The following ZC3H12B variants were observed in gnomAD, a reference collection of about 807,000 sequenced individuals.
ZC3H12B encodes the protein zinc finger CCCH-type containing 12B.
In ZC3H12B, 7 loss-of-function variants were observed where a neutral mutation model predicts 43.9. The observed-to-expected ratio is 0.16, with a 90% CI of 0.09 to 0.30. The LOEUF (loss-of-function observed/expected upper bound fraction) is 0.30. Among genes scored for constraint, ZC3H12B ranks in the 10% least tolerant of loss-of-function variants. The pLI, the probability that ZC3H12B is intolerant of heterozygous loss-of-function variation, is 1.00. For missense variants in ZC3H12B, 475 were observed against 670.2 expected (o/e 0.71, Z 3.22); for synonymous variants, 222 against 241.7 (o/e 0.92, Z 0.76).
At chrX:65,386,143 G>A (rs1025428141) in intron 2 of ZC3H12B, among the ~76,000 whole-genome samples, 1 of 111,859 alleles carries the variant, frequency 8.9e-6, no homozygotes, top group African/African-American at 3.3e-5. Context: ...TTGGTAATCA[G>A]GATGTTGCTG....
chrX:65,340,899 A>G, the ZC3H12B span, among the ~76,000 whole-genome samples: 297 of 112,314 alleles, frequency 2.6e-3, no homozygotes, highest in Non-Finnish European at 4.8e-3. Flanking sequence ...TATGAATAGG[A>G]ACAAAGATCA....
intron 2 of ZC3H12B, among the ~76,000 whole-genome samples, chrX:65,387,645 T>C (rs5918564): frequency 9.0e-6 from 1 of 111,185 alleles, no homozygotes; most frequent in Non-Finnish European, 1.9e-5. Context: ...TTTACATTTA[T>C]GGTTAATATT....
At chrX:65,086,918 G>A in the ZC3H12B span, among the ~76,000 whole-genome samples, 1 of 110,929 alleles carries the variant, frequency 9.0e-6, no homozygotes, top group Non-Finnish European at 1.9e-5. Context: ...ACCGAATGCT[G>A]GGCTGGCCTC....
chrX:65,378,911 A>T (rs766107958), intron 2 of ZC3H12B, among the ~76,000 whole-genome samples: 1 of 112,681 alleles, frequency 8.9e-6, no homozygotes, highest in South Asian at 3.7e-4. Context: ...GGCATAAAAA[A>T]TGGCGCACCA....
At chrX:65,198,990 C>T in the ZC3H12B span, among the ~76,000 whole-genome samples, 1 of 110,248 alleles carries the variant, frequency 9.1e-6, no homozygotes, top group East Asian at 2.8e-4. Flanking sequence ...TCACCTCACC[C>T]AGATAATTTT....
the ZC3H12B span, among the ~76,000 whole-genome samples, chrX:65,224,062 C>G: frequency 8.9e-6 from 1 of 112,299 alleles, no homozygotes; most frequent in East Asian, 2.8e-4. Context: ...AAATGCCCAT[C>G]AGTCAATGAA....
the ZC3H12B span, among the ~76,000 whole-genome samples, chrX:65,353,827 C>G: frequency 9.0e-6 from 1 of 111,544 alleles, no homozygotes; most frequent in Non-Finnish European, 1.9e-5. Flanking sequence ...TTTCCCCTCA[C>G]AGTGTAAACA....
At chrX:65,243,548 G>C in the ZC3H12B span, among the ~76,000 whole-genome samples, 1 of 111,767 alleles carries the variant, frequency 8.9e-6, no homozygotes, top group African/African-American at 3.2e-5. Flanking sequence ...AGCCACTGTG[G>C]AAAAGAGTAT....
the ZC3H12B span, among the ~76,000 whole-genome samples, chrX:65,161,192 A>G: frequency 9.0e-5 from 10 of 111,090 alleles, no homozygotes; most frequent in Non-Finnish European, 1.7e-4. Context: ...TATGTGGTCA[A>G]TTTTGGAATA....
At chrX:65,182,643 G>C in the ZC3H12B span, among the ~76,000 whole-genome samples, 1 of 108,729 alleles carries the variant, frequency 9.2e-6, no homozygotes, top group Non-Finnish European at 1.9e-5. Context: ...CTACAGAATT[G>C]AAGAAAATAT....
chrX:65,435,597 G>A (rs943302769), intron 3 of ZC3H12B, among the ~76,000 whole-genome samples: 2 of 109,678 alleles, frequency 1.8e-5, no homozygotes, highest in Non-Finnish European at 3.8e-5. Context: ...ACCACTCCTG[G>A]TGCCAAACTC....
At chrX:65,439,371 G>A (rs2067271988) in intron 3 of ZC3H12B, among the ~76,000 whole-genome samples, 1 of 111,483 alleles carries the variant, frequency 9.0e-6, no homozygotes, top group South Asian at 3.8e-4. Flanking sequence ...AACATAGTGT[G>A]GCAGTGGCAC....
chrX:65,488,184 C>A (rs773011639), upstream of ZC3H12B, among the ~76,000 whole-genome samples: 17 of 110,919 alleles, frequency 1.5e-4, no homozygotes, highest in Non-Finnish European at 3.0e-4. Context: ...ATGTGCTTTT[C>A]AGGAGTGGAT....
chrX:65,488,325 G>T (rs2068156073), upstream of ZC3H12B, among the ~76,000 whole-genome samples: 1 of 104,597 alleles, frequency 9.6e-6, no homozygotes, highest in African/African-American at 3.6e-5. Context: ...GAAATGTGAT[G>T]TTTCTTGTTC....
At chrX:65,185,188 G>T in the ZC3H12B span, 1 of 111,335 alleles carries the variant, frequency 9.0e-6, no homozygotes, top group Non-Finnish European at 1.9e-5. Flanking sequence ...GGATATGGAC[G>T]GTATACAATC....
At chrX:65,430,218 G>T (rs1242947035) in intron 3 of ZC3H12B, among the ~76,000 whole-genome samples, 2 of 111,567 alleles carry the variant, frequency 1.8e-5, no homozygotes, top group African/African-American at 6.5e-5. Context: ...AGTCCACACA[G>T]ATCTGTGTGT....
the ZC3H12B span, among the ~76,000 whole-genome samples, chrX:65,106,840 T>G: frequency 8.9e-6 from 1 of 111,917 alleles, no homozygotes; most frequent in African/African-American, 3.2e-5. Context: ...TGTATTAATT[T>G]AATTCTCATA....
At chrX:65,089,243 A>G in the ZC3H12B span, among the ~76,000 whole-genome samples, 3 of 111,643 alleles carry the variant, frequency 2.7e-5, no homozygotes, top group South Asian at 7.4e-4. Flanking sequence ...GCAAACCTAG[A>G]TGGTATAGCC....
chrX:65,305,670 A>T, the ZC3H12B span, among the ~76,000 whole-genome samples: 1 of 111,715 alleles, frequency 9.0e-6, no homozygotes, highest in Non-Finnish European at 1.9e-5. Flanking sequence ...TTATGTTATT[A>T]TTTGTTATTT....
Sources: allele counts gnomAD v4.1 joint callset (sites outside exome capture counted in the v4.1 genomes callset), GRCh38; gene constraint gnomAD v4.1.1; transcripts MANE v1.5; gene names NCBI Gene and HGNC (gene_info 2026-07-23, HGNC 2026-07-21).